The following GPM6B variants were observed in gnomAD, a reference collection of about 807,000 sequenced individuals.
GPM6B encodes the protein glycoprotein M6B.
Under a neutral mutation model 27.2 loss-of-function variants are expected in GPM6B, and 4 were observed. The observed-to-expected ratio is 0.15, with a 90% CI of 0.07 to 0.34. The LOEUF (loss-of-function observed/expected upper bound fraction) is 0.34, where lower values mean the gene tolerates loss of function less well. GPM6B is among the 10% of genes least tolerant of loss of function. The pLI, the probability that GPM6B is intolerant of heterozygous loss-of-function variation, is 1.00. For synonymous variants in GPM6B, 124 were observed against 103.1 expected, an observed-to-expected ratio of 1.20 and a Z score of -1.23; for missense variants, 183 against 261.9, an observed-to-expected ratio of 0.70 and a Z score of 2.08.
chrX:13,815,661 A>C (rs2049221103), intron 1 of GPM6B, among the ~76,000 whole-genome samples: 1 of 111,935 alleles, frequency 8.9e-6, no homozygotes, highest in Non-Finnish European at 1.9e-5. Flanking sequence ...AAAAAGTAAA[A>C]TTGCTCTGTT....
intron 2 of GPM6B, among the ~76,000 whole-genome samples, chrX:13,800,087 C>G (rs2048893157): frequency 8.9e-6 from 1 of 111,918 alleles, no homozygotes; most frequent in African/African-American, 3.2e-5. Context: ...AGCATTGTCT[C>G]TCTGGCTGGC....
intron 1 of GPM6B, among the ~76,000 whole-genome samples, chrX:13,899,360 G>A (rs910726183): frequency 1.0e-5 from 1 of 95,264 alleles, no homozygotes; most frequent in South Asian, 5.4e-4. Context: ...GCAGTGAGCC[G>A]AGATGGTGCC....
intron 1 of GPM6B, among the ~76,000 whole-genome samples, chrX:13,815,899 G>A (rs1347923619): frequency 1.8e-5 from 2 of 111,937 alleles, no homozygotes; most frequent in Non-Finnish European, 3.8e-5. Flanking sequence ...CGCAAGGGCT[G>A]TGAGAAATAA....
At chrX:13,868,775 A>C (rs949875736) in intron 1 of GPM6B, among the ~76,000 whole-genome samples, 27 of 112,320 alleles carry the variant, frequency 2.4e-4, no homozygotes, top group African/African-American at 6.5e-4. Flanking sequence ...TATTCAATAA[A>C]GCAATTCACT....
At chrX:13,917,991 T>A (rs1603137774) in intron 1 of GPM6B, among the ~76,000 whole-genome samples, 1 of 112,784 alleles carries the variant, frequency 8.9e-6, no homozygotes, top group African/African-American at 3.2e-5. Flanking sequence ...GTTAATACAG[T>A]CATTAAGATA....
At chrX:13,936,035 G>A (rs187368482) in intron 1 of GPM6B, among the ~76,000 whole-genome samples, 19 of 111,912 alleles carry the variant, frequency 1.7e-4, no homozygotes, top group Non-Finnish European at 1.3e-4. Context: ...GGGGCTGGGG[G>A]GAGAAGAGAA....
intron 1 of GPM6B, among the ~76,000 whole-genome samples, chrX:13,872,297 C>A (rs1039436054): frequency 1.9e-5 from 2 of 107,124 alleles, no homozygotes; most frequent in African/African-American, 6.8e-5. Flanking sequence ...CAGCCTTCCA[C>A]GTAGCTAGGA....
rs2048359318 is a variant in GPM6B at position 13,774,055 on chromosome X, A to G, written c.838-1025T>C. 4.1e-6 allele frequency: 3 copies of G among 739,906 alleles called. No individual in the cohort carries two copies. In the African/African-American group the frequency reaches 7.5e-5, roughly 19 times the overall value. The allele number at this position is 739,906 out of a possible 1,213,427, so 61.0% of individuals were successfully genotyped here. A position where few individuals can be genotyped will look rare whatever the true frequency, so the allele number is the denominator to read the frequency against. ...GGGTCATTTGGTAGTGAACCATGTG[A>G]TCATAAAAAAATTGTTTTCAATTTA... On this transcript the variant is annotated intron_variant, in intron 7 of 7. Transcript: ENST00000316715.
At chrX:13,889,048 CG>C (rs1569288105) in intron 1 of GPM6B, 1 of 111,458 alleles carries the variant, frequency 9.0e-6, no homozygotes, top group African/African-American at 3.3e-5. Flanking sequence ...TCTTGATGCA[CG>C]TTGGAATTAA....
In GPM6B at chrX:13,771,300, A is replaced by C. The variant is rs1490795022; in HGVS notation, c.*1581T>G. The C allele has an allele frequency of 9.0e-6, 1 of 111,560 alleles. No individual in the cohort carries two copies. The allele number at this position is 111,560 out of a possible 1,213,427, so 9.2% of individuals were successfully genotyped here. A position where few individuals can be genotyped will look rare whatever the true frequency, so the allele number is the denominator to read the frequency against. Reference sequence around the variant, plus strand: ...GACAGCACCTCCACTGCTGGAAAGAATAGTTAAATCTGTCATGCAACAGGA... The same window carrying C: ...GACAGCACCTCCACTGCTGGAAAGACTAGTTAAATCTGTCATGCAACAGGA... On this transcript the variant is annotated 3_prime_UTR_variant, in exon 8 of 8. Transcript: ENST00000316715.
intron 1 of GPM6B, among the ~76,000 whole-genome samples, chrX:13,920,922 G>GA (rs1230051218): frequency 1.8e-5 from 2 of 110,177 alleles, no homozygotes; most frequent in East Asian, 5.6e-4. Flanking sequence ...ATGGGTAAAT[G>GA]AAAAAAACAG....
At chrX:13,828,679 T>C in intron 1 of GPM6B, among the ~76,000 whole-genome samples, 1 of 111,224 alleles carries the variant, frequency 9.0e-6, no homozygotes, top group South Asian at 3.8e-4. Flanking sequence ...GAGGAACCCA[T>C]GGACTGGGCT....
At chrX:13,819,233 A>G (rs1242058428), upstream of GPM6B, among the ~76,000 whole-genome samples, 1 of 112,531 alleles carries the variant, frequency 8.9e-6, no homozygotes, top group Non-Finnish European at 1.9e-5. Context: ...TCACTAGGAT[A>G]ATGTATTACA....
chrX:13,820,854 A>G (rs1484763481), upstream of GPM6B, among the ~76,000 whole-genome samples: 1 of 111,644 alleles, frequency 9.0e-6, no homozygotes, highest in Non-Finnish European at 1.9e-5. Context: ...TTTTAAATCA[A>G]TGTTAAACAA....
chrX:13,907,453 G>T (rs1226146404), intron 1 of GPM6B, among the ~76,000 whole-genome samples: 1 of 112,259 alleles, frequency 8.9e-6, no homozygotes, highest in African/African-American at 3.2e-5. Flanking sequence ...GGAGGCCGAG[G>T]TGGGTGGATC....
chrX:13,826,518 A>C (rs973830670), intron 1 of GPM6B, among the ~76,000 whole-genome samples: 1 of 109,704 alleles, frequency 9.1e-6, no homozygotes, highest in African/African-American at 3.4e-5. Context: ...CAGCCTGGGC[A>C]ACATAGAAAG....
At chrX:13,849,331 T>G (rs1035038081) in intron 1 of GPM6B, among the ~76,000 whole-genome samples, 17 of 112,553 alleles carry the variant, frequency 1.5e-4, no homozygotes, top group African/African-American at 5.5e-4. Context: ...TTCTTACCAC[T>G]TTAGCTTTCT....
At chrX:13,817,438 C>T (rs2049258618), upstream of GPM6B, 3 of 598,948 alleles carry the variant, frequency 5.0e-6, no homozygotes, top group Non-Finnish European at 6.0e-6. Flanking sequence ...GAAAAGAGCC[C>T]CCTCCCACCA....
Position 13,776,223 on chromosome X carries a change from G to A in GPM6B, c.837+15C>T, listed in dbSNP as rs2048410184. Reference sequence around the variant, plus strand: ...GAGGAGGCTAGACTAGGGTGGTCTTGGGGCCATTACTCACCAGGGCAATGA... The same window carrying A: ...GAGGAGGCTAGACTAGGGTGGTCTTAGGGCCATTACTCACCAGGGCAATGA... On this transcript the variant is annotated intron_variant, in intron 7 of 7. Transcript: ENST00000316715. The A allele has an allele frequency of 8.4e-7, 1 of 1,192,878 alleles. No individual in the cohort carries two copies. The highest frequency in any genetic ancestry group is 1.7e-5 in the African/African-American group (1 of 57,476).
Sources: allele counts gnomAD v4.1 joint callset (sites outside exome capture counted in the v4.1 genomes callset), GRCh38; gene constraint gnomAD v4.1.1; transcripts MANE v1.5; gene names NCBI Gene and HGNC (gene_info 2026-07-23, HGNC 2026-07-21).